Variants in RNMT observed in about 807,000 individuals in gnomAD.
The protein encoded by RNMT is RNA guanine-7 methyltransferase, also known as mRNA cap guanine-N(7) methyltransferase.
Under a neutral mutation model 56.0 loss-of-function variants are expected in RNMT, and 27 were observed. The observed-to-expected ratio is 0.48, with a 90% CI of 0.36 to 0.67. RNMT has a LOEUF of 0.67. Ranked by LOEUF, RNMT falls within the 30% of genes least tolerant of loss-of-function variation. The pLI, the probability that RNMT is intolerant of heterozygous loss-of-function variation, is 0.00. For synonymous variants in RNMT, 184 were observed against 176.2 expected, an observed-to-expected ratio of 1.04 and a Z score of -0.35; for missense variants, 519 against 552.1, an observed-to-expected ratio of 0.94 and a Z score of 0.60.
chr18:13,737,600 G>A (rs1046213025), intron 5 of RNMT, among the ~76,000 whole-genome samples: 3 of 151,792 alleles, frequency 2.0e-5, no homozygotes, highest in Non-Finnish European at 4.4e-5. Flanking sequence ...AGATTAATAA[G>A]CCTGGGATAA....
chr18:13,757,851 A>G (rs556221065), intron 11 of RNMT, among the ~76,000 whole-genome samples: 2 of 152,348 alleles, frequency 1.3e-5, no homozygotes, highest in South Asian at 2.1e-4. Context: ...TATGGCAGCT[A>G]TAGCCTTACA....
intron 9 of RNMT, among the ~76,000 whole-genome samples, chr18:13,748,984 C>T (rs2044396277): frequency 6.6e-6 from 1 of 152,136 alleles, no homozygotes; most frequent in Non-Finnish European, 1.5e-5. Flanking sequence ...GAGGCTGAGG[C>T]AGGAGAATCA....
chr18:13,755,758 G>C (rs968619803), intron 11 of RNMT, among the ~76,000 whole-genome samples: 9 of 152,216 alleles, frequency 5.9e-5, no homozygotes, highest in Admixed American at 2.0e-4. Context: ...CTGCAGTGGA[G>C]ACTGGTTGCC....
chr18:13,737,276 C>A, intron 5 of RNMT, 141 bp downstream of exon 5: 3 of 737,098 alleles, frequency 4.1e-6, no homozygotes, highest in Non-Finnish European at 6.3e-6. Context: ...GACGCGGTGG[C>A]TCATGCCTGT....
chr18:13,762,428 G>GC lies in RNMT; in HGVS notation c.*2450dup, dbSNP rs1299784789. 3 of 372,552 alleles carry GC rather than the reference G, an allele frequency of 8.1e-6. No homozygotes were observed. Among genetic ancestry groups the GC allele is most frequent in the Non-Finnish European group, 9.8e-6 (2 of 204,276 alleles). 23.1% of individuals were successfully genotyped at this position (372,552 alleles called of 1,614,324 possible). On this transcript the variant is annotated 3_prime_UTR_variant, in exon 12 of 12. Coordinates refer to ENST00000383314, the MANE Select transcript of RNMT (RefSeq NM_003799.3). Reference sequence around the variant, plus strand: ...GTGAGAGTGACTCTGCAGAGTCACTGCACCATCAGGCTTGGCCCTGCTGTG... The same window carrying GC: ...GTGAGAGTGACTCTGCAGAGTCACTGCCACCATCAGGCTTGGCCCTGCTGTG...
intron 6 of RNMT, among the ~76,000 whole-genome samples, 182 bp from the exon 7 acceptor site, chr18:13,741,328 G>A (rs2044247679): frequency 6.6e-6 from 1 of 152,188 alleles, no homozygotes; most frequent in South Asian, 2.1e-4. Flanking sequence ...TACTGTGAAA[G>A]TGGGAATCAA....
Position 13,760,291 on chromosome 18 carries a change from T to C in RNMT, c.*312T>C, listed in dbSNP as rs3760533. On this transcript the variant is annotated 3_prime_UTR_variant, in exon 12 of 12. Transcript: ENST00000383314. ...GACTTGATAAAGCAACTAAACTCTT[T>C]CCACAGTGTTCAGATTTGTCCTGTG... 344,847 of 1,083,344 alleles carry C rather than the reference T, an allele frequency of 0.32. 56,543 individuals carry two copies. The highest frequency in any genetic ancestry group is 0.34 in the Non-Finnish European group (301,858 of 891,486). The allele number at this position is 1,083,344 out of a possible 1,614,324, so 67.1% of individuals were successfully genotyped here.
chr18:13,732,447 C>G (rs1313685286), intron 3 of RNMT, among the ~76,000 whole-genome samples: 1 of 152,132 alleles, frequency 6.6e-6, no homozygotes, highest in Non-Finnish European at 1.5e-5. Context: ...CTTTACATCC[C>G]TTTATTAATG....
At chr18:13,743,561 G>T (rs922561415) in intron 8 of RNMT, among the ~76,000 whole-genome samples, 31 of 151,944 alleles carry the variant, frequency 2.0e-4, no homozygotes, top group Non-Finnish European at 7.4e-5. Context: ...GGGGTAACTG[G>T]GCCTTACCAG....
chr18:13,743,359 A>T (rs2044290933), intron 8 of RNMT, among the ~76,000 whole-genome samples: 1 of 150,996 alleles, frequency 6.6e-6, no homozygotes, highest in African/African-American at 2.4e-5. Context: ...TAAATAAATA[A>T]ATAAATAAAT....
chr18:13,740,983 A>G (rs1404667887), intron 6 of RNMT, among the ~76,000 whole-genome samples: 1 of 152,206 alleles, frequency 6.6e-6, no homozygotes, highest in Non-Finnish European at 1.5e-5. Context: ...CTTAAAAAGA[A>G]CTGCTTCAAG....
In RNMT at chr18:13,741,512, A is replaced by G. The variant is rs766977162; in HGVS notation, c.795A>G (p.Glu265=). The G allele has an allele frequency of 1.2e-6, 2 of 1,609,036 alleles. No homozygotes were observed. Among genetic ancestry groups the G allele is most frequent in the Non-Finnish European group, 1.7e-6 (2 of 1,177,674 alleles). The part of the protein sequence containing the change: ...AEFITADSSK[E]LLIDKFRDPQ... ...TAACTCATTTTAATTTGTTTCAGGA[A>G]CTTCTGATTGACAAATTTCGTGACC... Residue 265 remains glutamate, a splice_region_variant and synonymous_variant, in exon 7 of 12, where the codon GAA becomes GAG. Coordinates refer to ENST00000383314, the MANE Select transcript of RNMT (RefSeq NM_003799.3).
At chr18:13,730,299 G>A (rs1437852456) in intron 1 of RNMT, 2 of 152,092 alleles carry the variant, frequency 1.3e-5, no homozygotes, top group Non-Finnish European at 2.9e-5. Flanking sequence ...GAGACTTAAT[G>A]GTCATCAAAC....
At chr18:13,735,696 C>T (rs908349397) in intron 4 of RNMT, among the ~76,000 whole-genome samples, 2 of 151,754 alleles carry the variant, frequency 1.3e-5, no homozygotes, top group African/African-American at 2.4e-5. Context: ...TTTTCGAGTC[C>T]ATATTTTCCA....
intron 4 of RNMT, among the ~76,000 whole-genome samples, chr18:13,736,267 C>T (rs181232722): frequency 1.3e-5 from 2 of 152,240 alleles, no homozygotes; most frequent in African/African-American, 4.8e-5. Context: ...GTGTCCAGCT[C>T]AGTGATAAAG....
intron 11 of RNMT, among the ~76,000 whole-genome samples, chr18:13,754,659 C>A (rs2044513374): frequency 6.6e-6 from 1 of 152,198 alleles, no homozygotes; most frequent in Non-Finnish European, 1.5e-5. Context: ...CAGGGTCTTC[C>A]TCAGCATAAA....
chr18:13,754,248 A>C, intron 11 of RNMT, 101 bp downstream of exon 11: 1 of 697,696 alleles, frequency 1.4e-6, no homozygotes, highest in East Asian at 2.8e-5. Context: ...GGCTCACACC[A>C]GTACTCTCAG....
chr18:13,754,167 A>G lies in RNMT; in HGVS notation c.1393+20A>G. Reference sequence around the variant, plus strand: ...CTACAAGTGAGTATATCATCAGCATAGATTAACTGATAATTTCAAAAGTCC... The same window carrying G: ...CTACAAGTGAGTATATCATCAGCATGGATTAACTGATAATTTCAAAAGTCC... On this transcript the variant is annotated intron_variant, in intron 11 of 11. Coordinates refer to ENST00000383314, the MANE Select transcript of RNMT (RefSeq NM_003799.3). 2 of 1,505,446 alleles carry G rather than the reference A, an allele frequency of 1.3e-6. No homozygotes were observed. The highest frequency in any genetic ancestry group is 1.8e-6 in the Non-Finnish European group (2 of 1,086,924). 93.3% of individuals were successfully genotyped at this position (1,505,446 alleles called of 1,614,324 possible).
chr18:13,741,355 A>G (rs1021637023), intron 6 of RNMT, among the ~76,000 whole-genome samples, 155 bp from the exon 7 acceptor site: 1 of 152,262 alleles, frequency 6.6e-6, no homozygotes, highest in African/African-American at 2.4e-5. Flanking sequence ...CTGTTAAACT[A>G]GAATACATGC....
Sources: gnomAD v4.1 joint callset for allele counts (sites outside exome capture counted in the v4.1 genomes callset) on GRCh38, gnomAD v4.1.1 for gene constraint, MANE v1.5 for transcripts, NCBI Gene and HGNC (gene_info 2026-07-23, HGNC 2026-07-21) for gene names.